PIK3C2G: variants seen among roughly 807,000 people sequenced by gnomAD.
The protein encoded by PIK3C2G is phosphatidylinositol-4-phosphate 3-kinase catalytic subunit type 2 gamma.
PIK3C2G carries 168 observed loss-of-function variants against 181.1 expected under a neutral mutation model. That is an observed-to-expected ratio of 0.93 (90% CI 0.82 to 1.05). PIK3C2G has a LOEUF of 1.05. PIK3C2G is among the 50% of genes least tolerant of loss of function. The probability of loss-of-function intolerance (pLI) is 0.00; values close to 1 mark genes in which losing one functional copy is unlikely to be tolerated. For missense variants in PIK3C2G, 1,869 were observed against 1,732.8 expected (o/e 1.08, Z -1.40); for synonymous variants, 573 against 592.2 (o/e 0.97, Z 0.47).
At chr12:18,590,012 T>C (rs1442144496) in intron 29 of PIK3C2G, among the ~76,000 whole-genome samples, 2 of 151,916 alleles carry the variant, frequency 1.3e-5, no homozygotes, top group Non-Finnish European at 2.9e-5. Flanking sequence ...AGCCTGGACT[T>C]GGTAACCACA....
intron 26 of PIK3C2G, among the ~76,000 whole-genome samples, chr12:18,547,310 C>G (rs1944485272): frequency 6.6e-6 from 1 of 151,978 alleles, no homozygotes; most frequent in Non-Finnish European, 1.5e-5. Flanking sequence ...CCAATGGTGG[C>G]AGTGCGGCTT....
chr12:18,650,631 G>A (rs1368393708), downstream of PIK3C2G, among the ~76,000 whole-genome samples: 1 of 138,580 alleles, frequency 7.2e-6, no homozygotes, highest in African/African-American at 2.6e-5. Flanking sequence ...TGAAATACAC[G>A]AAATACCTAT....
In PIK3C2G at chr12:18,546,389, C is replaced by T. The variant is rs199904184; in HGVS notation, c.3547C>T (p.Arg1183Cys). The change falls in exon 26 of 33, where the codon CGT becomes TGT. Residue 1183 changes from arginine to cysteine, a missense_variant. By Grantham distance (180) the Arg-to-Cys change is radical. Transcript: ENST00000538779. The part of the protein sequence containing the change: ...QDLKYVYNNL[R>C]PQDTDLEATS... ...CCTGAAATATGTGTATAATAATCTT[C>T]GTCCACAAGACACAGACCTGGAAGC... The T allele has an allele frequency of 2.1e-4, 342 of 1,600,748 alleles. No homozygotes were observed. Among genetic ancestry groups the T allele is most frequent in the Non-Finnish European group, 2.8e-4 (333 of 1,172,758 alleles).
the PIK3C2G span, chr12:18,699,676 A>C: frequency 5.4e-6 from 6 of 1,105,794 alleles, no homozygotes; most frequent in South Asian, 2.6e-5. Context: ...AATTATGTTA[A>C]ATGTGTTGAA....
At chr12:18,397,643 G>A (rs915271424) in intron 15 of PIK3C2G, among the ~76,000 whole-genome samples, 2 of 152,002 alleles carry the variant, frequency 1.3e-5, no homozygotes, top group Admixed American at 6.6e-5. Context: ...CAAGAATGTG[G>A]TACAAATGGA....
In PIK3C2G at chr12:18,482,352, T is replaced by C. The variant is rs1592371696; in HGVS notation, c.2505-6097T>C. Among the ~76,000 whole-genome samples the C allele has an allele frequency of 4.6e-5, 7 of 152,140 alleles. No individual in the cohort carries two copies. The South Asian group carries it at 1.5e-3, about 32-fold the overall frequency. On this transcript the variant is annotated intron_variant, in intron 18 of 32. Transcript: ENST00000538779. ...ATAGGGCAGGAATTGCAATCCCCTC[T>C]CTGTGAGCGCAGATTCTCCACCAAG...
chr12:18,277,640 G>A (rs1439250478), intron 1 of PIK3C2G, among the ~76,000 whole-genome samples: 1 of 151,998 alleles, frequency 6.6e-6, no homozygotes, highest in East Asian at 1.9e-4. Context: ...TAGTAATGTG[G>A]CCAGGACTTT....
chr12:18,516,262 T>G (rs1410152047), intron 24 of PIK3C2G, among the ~76,000 whole-genome samples: 6 of 22,062 alleles, frequency 2.7e-4, no homozygotes, highest in Admixed American at 6.2e-4. Context: ...TGACTGATGG[T>G]TTTTTTTTTT....
rs1206831193 is a variant in PIK3C2G, at chr12:18,640,430, A to G, written c.4184A>G (p.His1395Arg). Residue 1395 changes from histidine (H) to arginine (R), a missense_variant and splice_region_variant, in exon 32 of 33, where the codon CAT (histidine) becomes CGT (arginine). Transcript: ENST00000538779. Reference protein sequence around the residue: ...TILVKHMKNIHLPDGSAPSAH... With the variant: ...TILVKHMKNIRLPDGSAPSAH... ...ATTTATAACCATTTTCCTTTGCAGC[A>G]TCTCCCAGATGGCTCTGCGCCCAGT... 8.3e-5 allele frequency: 134 copies of G among 1,608,686 alleles called. No homozygotes were observed. The highest frequency in any genetic ancestry group is 1.1e-4 in the Non-Finnish European group (129 of 1,177,222).
rs796973547 is a variant in PIK3C2G, at chr12:18,516,655, A to G, written c.3323+11194A>G. Among the ~76,000 whole-genome samples, 76 of 150,138 alleles carry G rather than the reference A, an allele frequency of 5.1e-4. 1 individual carries two copies. The highest frequency in any genetic ancestry group is 1.8e-3 in the African/African-American group (72 of 40,844). ...CCCATAATTCCCATAGGTCTTTTTC[A>G]CTCTATTTTCTTTTTTCCTTCTCTG... is the stretch of plus-strand genomic sequence containing the variant. On this transcript the variant is annotated intron_variant, in intron 24 of 32. Coordinates refer to ENST00000538779, the MANE Select transcript of PIK3C2G (RefSeq NM_001288772.2).
chr12:18,556,405 A>G (rs944391504), intron 26 of PIK3C2G, among the ~76,000 whole-genome samples: 9 of 152,168 alleles, frequency 5.9e-5, no homozygotes, highest in African/African-American at 2.2e-4. Context: ...CCCCCAAACC[A>G]TGGGCTGACC....
At chr12:18,322,072 C>T (rs1024352960) in intron 7 of PIK3C2G, among the ~76,000 whole-genome samples, 12 of 152,120 alleles carry the variant, frequency 7.9e-5, no homozygotes, top group African/African-American at 1.4e-4. Flanking sequence ...ATCCTGCACA[C>T]GTTTCCCAGA....
intron 1 of PIK3C2G, among the ~76,000 whole-genome samples, chr12:18,269,741 G>C (rs1351655261): frequency 6.6e-6 from 1 of 151,990 alleles, no homozygotes; most frequent in Non-Finnish European, 1.5e-5. Context: ...TGGAAATAAA[G>C]ATGACAATAC....
At chr12:18,486,463 A>G (rs1940045021) in intron 18 of PIK3C2G, among the ~76,000 whole-genome samples, 1 of 152,104 alleles carries the variant, frequency 6.6e-6, no homozygotes, top group Admixed American at 6.6e-5. Context: ...ATAAGGAATA[A>G]GAGTATTATA....
chr12:18,700,037 C>T, the PIK3C2G span: 1 of 1,091,446 alleles, frequency 9.2e-7, no homozygotes, highest in Admixed American at 2.1e-5. Context: ...CACTTTCAAA[C>T]AAATGATTTT....
At chr12:18,635,876 A>G (rs959536723) in intron 31 of PIK3C2G, among the ~76,000 whole-genome samples, 4 of 152,134 alleles carry the variant, frequency 2.6e-5, no homozygotes, top group African/African-American at 9.7e-5. Flanking sequence ...CCCACTAGTC[A>G]TTGTGCCTCT....
chr12:18,570,632 C>G lies in PIK3C2G; in HGVS notation c.4011+3575C>G, dbSNP rs541133197. On this transcript the variant is annotated intron_variant, in intron 29 of 32. Coordinates refer to ENST00000538779, the MANE Select transcript of PIK3C2G (RefSeq NM_001288772.2). ...TAGGGCATTATCCAAGCAGGTTTCC[C>G]ACAGGGAGTTCTAATTAGAGGATTT... Among the ~76,000 whole-genome samples, 11 of 150,140 alleles carry G rather than the reference C, an allele frequency of 7.3e-5. 1 individual carries two copies. Among genetic ancestry groups the G allele is most frequent in the Admixed American group, 1.3e-4 (2 of 15,122 alleles).
chr12:18,408,041 A>G (rs1192767160), intron 16 of PIK3C2G, among the ~76,000 whole-genome samples: 1 of 152,186 alleles, frequency 6.6e-6, no homozygotes, highest in African/African-American at 2.4e-5. Flanking sequence ...AATATTTTGA[A>G]CAGATTTGCA....
intron 29 of PIK3C2G, among the ~76,000 whole-genome samples, chr12:18,571,437 G>T (rs1042973213): frequency 6.6e-6 from 1 of 150,710 alleles, no homozygotes; most frequent in Non-Finnish European, 1.5e-5. Context: ...TGTACCAGTA[G>T]AGGTTTATAG....
Sources: gnomAD v4.1 joint callset for allele counts (sites outside exome capture counted in the v4.1 genomes callset) on GRCh38, gnomAD v4.1.1 for gene constraint, MANE v1.5 for transcripts, NCBI Gene and HGNC (gene_info 2026-07-23, HGNC 2026-07-21) for gene names.